The following SHROOM2 variants were observed in gnomAD, a reference collection of about 807,000 sequenced individuals.
SHROOM2 encodes shroom family member 2.
Under a neutral mutation model 75.9 loss-of-function variants are expected in SHROOM2, and 33 were observed. The observed-to-expected ratio is 0.43, with a 90% CI of 0.33 to 0.58. The LOEUF (loss-of-function observed/expected upper bound fraction) is 0.58. Among genes scored for constraint, SHROOM2 ranks in the 20% least tolerant of loss-of-function variants. The probability of loss-of-function intolerance (pLI) is 0.04; values close to 1 mark genes in which losing one functional copy is unlikely to be tolerated. For synonymous variants in SHROOM2, 655 were observed against 663.6 expected (o/e 0.99, Z 0.20); for missense variants, 1,434 against 1,461.2 (o/e 0.98, Z 0.30).
At chrX:9,830,584 C>CTTTTTTTTTTTTTT (rs1166769024) in intron 1 of SHROOM2, among the ~76,000 whole-genome samples, 2 of 33,642 alleles carry the variant, frequency 5.9e-5, no homozygotes, top group African/African-American at 1.2e-4. Context: ...CCCCTGGTTT[C>CTTTTTTTTTTTTTT]TTTTTTTTTT....
intron 6 of SHROOM2, among the ~76,000 whole-genome samples, chrX:9,936,865 G>A (rs1343299835): frequency 2.7e-5 from 3 of 112,076 alleles, no homozygotes; most frequent in African/African-American, 3.2e-5. Context: ...CGAACCCCTG[G>A]AGGACACCTT....
intron 1 of SHROOM2, chrX:9,818,330 A>G (rs1472687769): frequency 3.3e-5 from 8 of 243,955 alleles, no homozygotes; most frequent in South Asian, 6.0e-5. Context: ...CACCACCTCA[A>G]TGTTCTCATC....
rs771525673 is a variant in SHROOM2 at position 9,932,292 on chromosome X, G to A, written c.3009G>A (p.Glu1003=). 1 of 1,204,676 alleles carries A rather than the reference G, an allele frequency of 8.3e-7. No individual in the cohort carries two copies. The highest frequency in any genetic ancestry group is 3.0e-5 in the East Asian group (1 of 33,627). ...SELSHCRGAP[E]LPREGRGRAG... Reference sequence around the variant, plus strand: ...TATCTCACTGCCGGGGAGCCCCAGAGCTGCCCCGGGAGGGCCGGGGCCGAG... The same window carrying A: ...TATCTCACTGCCGGGGAGCCCCAGAACTGCCCCGGGAGGGCCGGGGCCGAG... The change falls in exon 6 of 10, where the codon GAG becomes GAA. Residue 1003 remains glutamate (E), a synonymous_variant. Coordinates refer to ENST00000380913, the MANE Select transcript of SHROOM2 (RefSeq NM_001649.4).
Position 9,854,761 on chromosome X carries a change from A to G in SHROOM2, c.166-18891A>G, listed in dbSNP as rs193193245. Among the ~76,000 whole-genome samples the G allele has an allele frequency of 4.4e-4, 49 of 111,496 alleles. No individual in the cohort carries two copies. In the East Asian group the frequency reaches 0.014, roughly 31 times the overall value. On this transcript the variant is annotated intron_variant, in intron 1 of 9. Transcript: ENST00000380913. ...GTGGTGTGAGCAACACAGGATGGCC[A>G]TATTTAAATTGGGATTGTACTGTGG... is the stretch of plus-strand genomic sequence containing the variant.
chrX:9,917,453 C>T (rs552594089), intron 5 of SHROOM2, among the ~76,000 whole-genome samples: 1 of 112,176 alleles, frequency 8.9e-6, no homozygotes, highest in Non-Finnish European at 1.9e-5. Flanking sequence ...TGTAGAAACA[C>T]GTTCTGAACA....
intron 1 of SHROOM2, among the ~76,000 whole-genome samples, chrX:9,787,709 C>T (rs141694139): frequency 0.043 from 4,806 of 112,294 alleles, 191 homozygotes; most frequent in East Asian, 0.21. Flanking sequence ...GTTCAAATAG[C>T]AAATGAGACA....
At chrX:9,786,946 C>G (rs1250238232) in intron 1 of SHROOM2, among the ~76,000 whole-genome samples, 7 of 111,776 alleles carry the variant, frequency 6.3e-5, no homozygotes, top group African/African-American at 1.9e-4. Context: ...TTCCCCTCCC[C>G]CTCCCTCCTC....
intron 1 of SHROOM2, among the ~76,000 whole-genome samples, chrX:9,842,092 G>A (rs1321388659): frequency 9.0e-6 from 1 of 111,088 alleles, no homozygotes; most frequent in Non-Finnish European, 1.9e-5. Context: ...GTGTGGTGAT[G>A]CTGTGTTGTA....
chrX:9,845,071 C>T (rs1036592583), intron 1 of SHROOM2, among the ~76,000 whole-genome samples: 2 of 111,060 alleles, frequency 1.8e-5, no homozygotes, highest in Non-Finnish European at 3.8e-5. Flanking sequence ...CTGTGGGACT[C>T]CTCAGGGTTG....
chrX:9,790,713 G>T (rs1022260200), intron 1 of SHROOM2, among the ~76,000 whole-genome samples: 1 of 111,986 alleles, frequency 8.9e-6, no homozygotes, highest in African/African-American at 3.2e-5. Flanking sequence ...TAATAGTAAG[G>T]TTAAAAACCA....
chrX:9,788,959 CA>C (rs769869661), intron 1 of SHROOM2, among the ~76,000 whole-genome samples: 12 of 111,333 alleles, frequency 1.1e-4, no homozygotes, highest in Non-Finnish European at 2.3e-4. Context: ...AACCATATAT[CA>C]CCTTTGCTCT....
At chrX:9,802,415 A>G (rs2083728562) in intron 1 of SHROOM2, among the ~76,000 whole-genome samples, 1 of 112,387 alleles carries the variant, frequency 8.9e-6, no homozygotes, top group African/African-American at 3.2e-5. Context: ...TTAGAGAATG[A>G]TTTGCTGGTC....
Position 9,937,301 on chromosome X carries a change from C to T in SHROOM2, c.3755C>T (p.Thr1252Ile), listed in dbSNP as rs2084720909. The stretch of plus-strand genomic sequence containing the variant: ...AAAGACCAGATCAAGACGCTGAGCA[C>T]ATCTGAGCAGTTCTACTCGCGCTTC... Reference protein sequence around the residue: ...LEKDQIKTLSTSEQFYSRFCL... With the variant: ...LEKDQIKTLSISEQFYSRFCL... Residue 1252 changes from threonine (T) to isoleucine (I), a missense_variant, in exon 7 of 10, where the codon ACA (threonine) becomes ATA (isoleucine). Around this residue, in one of 3 missense-constraint regions of SHROOM2, gnomAD observed 1,340 missense variants for 1,338.3 expected, o/e 1.00. Transcript: ENST00000380913. The T allele has an allele frequency of 1.7e-6, 2 of 1,210,094 alleles. No individual in the cohort carries two copies. Among genetic ancestry groups the T allele is most frequent in the South Asian group, 1.8e-5 (1 of 56,579 alleles).
chrX:9,851,631 AT>A lies in SHROOM2; in HGVS notation c.166-22006del, dbSNP rs746554166. 7.5e-3 allele frequency among the ~76,000 whole-genome samples: 681 copies of A among 90,594 alleles called. 3 individuals carry two copies. Among genetic ancestry groups the A allele is most frequent in the African/African-American group, 0.021 (510 of 24,782 alleles). The allele number at this position is 90,594 out of a possible 115,157, so 78.7% of individuals were successfully genotyped here. ...GCCACCACACCTGACAAATTTTTGT[AT>A]TTTTTTTTTTTTTTGTAGAGATGGG... On this transcript the variant is annotated intron_variant, in intron 1 of 9. Transcript: ENST00000380913.
chrX:9,934,432 C>T, intron 6 of SHROOM2, among the ~76,000 whole-genome samples: 1 of 111,784 alleles, frequency 8.9e-6, no homozygotes, highest in South Asian at 3.8e-4. Flanking sequence ...CTGGGCTTTG[C>T]ATCATTTAAA....
rs1282394115 is a variant in SHROOM2, at chrX:9,932,986, C to G, written c.3587+116C>G. On this transcript the variant is annotated intron_variant, in intron 6 of 9. Transcript: ENST00000380913. ...CCTTGCTTTAGCTCAAGGCGTTGGA[C>G]TTAAAGTCAGTACTGGGGAATAACT... 6 of 583,353 alleles carry G rather than the reference C, an allele frequency of 1.0e-5. No homozygotes were observed. In the African/African-American group the frequency reaches 1.4e-4, roughly 13 times the overall value. The allele number at this position is 583,353 out of a possible 1,213,427, so 48.1% of individuals were successfully genotyped here.
intron 1 of SHROOM2, among the ~76,000 whole-genome samples, chrX:9,832,559 G>T (rs1347741636): frequency 1.8e-5 from 2 of 112,023 alleles, no homozygotes; most frequent in Non-Finnish European, 3.8e-5. Flanking sequence ...CGTTTACCCA[G>T]TAGGCACATG....
At chrX:9,791,917 T>C (rs1038886964) in intron 1 of SHROOM2, among the ~76,000 whole-genome samples, 1 of 107,661 alleles carries the variant, frequency 9.3e-6, no homozygotes, top group African/African-American at 3.4e-5. Context: ...GAGGTTGTGG[T>C]GAGCTGGAGA....
At chrX:9,878,673 T>C (rs1041095267) in intron 2 of SHROOM2, among the ~76,000 whole-genome samples, 1 of 111,579 alleles carries the variant, frequency 9.0e-6, no homozygotes, top group Admixed American at 9.6e-5. Context: ...GAGCTGCTAC[T>C]CGCAACGGTG....
Sources: allele counts gnomAD v4.1 joint callset (sites outside exome capture counted in the v4.1 genomes callset), GRCh38; gene constraint gnomAD v4.1.1; regional missense constraint gnomAD v4.1.1; transcripts MANE v1.5; gene names NCBI Gene and HGNC (gene_info 2026-07-23, HGNC 2026-07-21).